ZC3H12C: variants seen among roughly 807,000 people sequenced by gnomAD.
ZC3H12C encodes probable ribonuclease ZC3H12C.
ZC3H12C carries 20 observed loss-of-function variants against 76.3 expected under a neutral mutation model. The ratio of observed to expected loss-of-function variants is 0.26; its 90% CI spans 0.18 to 0.38. ZC3H12C has a LOEUF of 0.38. Ranked by LOEUF, ZC3H12C falls within the 10% of genes least tolerant of loss-of-function variation. ZC3H12C has a pLI of 1.00. For synonymous variants in ZC3H12C, 352 were observed against 399.6 expected (o/e 0.88, Z 1.42); for missense variants, 874 against 1,086.5 (o/e 0.80, Z 2.75).
rs581464 is a variant in ZC3H12C at position 110,151,657 on chromosome 11, T to C, written c.774-1262T>C. Among the ~76,000 whole-genome samples, 28 of 151,970 alleles carry C rather than the reference T, an allele frequency of 1.8e-4. 1 individual carries two copies. The highest frequency in any genetic ancestry group is 6.8e-4 in the African/African-American group (28 of 41,446). Reference sequence around the variant, plus strand: ...AATATCACTTTGTACCTTTTGATGGTGCATTCACCAGGCTATCGGGTCACC... The same window carrying C: ...AATATCACTTTGTACCTTTTGATGGCGCATTCACCAGGCTATCGGGTCACC... On this transcript the variant is annotated intron_variant, in intron 2 of 5. Coordinates refer to ENST00000278590, the MANE Select transcript of ZC3H12C (RefSeq NM_033390.2).
intron 1 of ZC3H12C, among the ~76,000 whole-genome samples, chr11:110,128,415 G>A (rs1195311856): frequency 6.6e-6 from 1 of 152,190 alleles, no homozygotes; most frequent in Non-Finnish European, 1.5e-5. Flanking sequence ...TCCAGTGCTA[G>A]AGATCAGGCT....
rs1468250964 is a variant in ZC3H12C at position 110,169,424 on chromosome 11, ATTTAC to A, written c.*3692_*3696del. The A allele has an allele frequency of 2.7e-5, 4 of 150,730 alleles. No individual in the cohort carries two copies. Among genetic ancestry groups the A allele is most frequent in the African/African-American group, 7.3e-5 (3 of 40,848 alleles). 9.3% of individuals were successfully genotyped at this position (150,730 alleles called of 1,614,324 possible). A position where few individuals can be genotyped will look rare whatever the true frequency, so the allele number is the denominator to read the frequency against. On this transcript the variant is annotated 3_prime_UTR_variant, in exon 6 of 6. Transcript: ENST00000278590. ...TGTTTTCCCTCTGATTTACAATGGT[ATTTAC>A]TTTAAAGTATGTTTGGTTTTCATTA...
At chr11:110,113,981 T>C (rs1861479825) in intron 1 of ZC3H12C, among the ~76,000 whole-genome samples, 1 of 152,176 alleles carries the variant, frequency 6.6e-6, no homozygotes, top group Non-Finnish European at 1.5e-5. Flanking sequence ...CCCATTACCT[T>C]GCTAAAATGT....
chr11:110,116,779 A>G (rs1218987723), intron 1 of ZC3H12C, among the ~76,000 whole-genome samples: 1 of 152,214 alleles, frequency 6.6e-6, no homozygotes, highest in Non-Finnish European at 1.5e-5. Flanking sequence ...TGTTAGTGGT[A>G]TTATCATCTC....
At chr11:110,155,947 G>C (rs604306) in intron 3 of ZC3H12C, among the ~76,000 whole-genome samples, 1 of 151,626 alleles carries the variant, frequency 6.6e-6, no homozygotes, top group African/African-American at 2.4e-5. Context: ...ACAATATTTA[G>C]GCATGTAAAT....
chr11:110,147,128 C>T (rs1009031726), intron 2 of ZC3H12C, among the ~76,000 whole-genome samples: 2 of 152,184 alleles, frequency 1.3e-5, no homozygotes, highest in African/African-American at 2.4e-5. Context: ...CGTGCCTGTT[C>T]CATTAGTCAA....
At chr11:110,146,545 G>A (rs1862174708) in intron 2 of ZC3H12C, among the ~76,000 whole-genome samples, 1 of 152,146 alleles carries the variant, frequency 6.6e-6, no homozygotes, top group Non-Finnish European at 1.5e-5. Flanking sequence ...TAGTTGGGTT[G>A]CATCTCTTGC....
intron 1 of ZC3H12C, among the ~76,000 whole-genome samples, chr11:110,096,922 G>T (rs1409759341): frequency 6.6e-6 from 1 of 152,206 alleles, no homozygotes; most frequent in Non-Finnish European, 1.5e-5. Context: ...TGTAACAGCA[G>T]TGTAGTTCAC....
At chr11:110,114,158 C>T (rs1861483637) in intron 1 of ZC3H12C, among the ~76,000 whole-genome samples, 1 of 152,196 alleles carries the variant, frequency 6.6e-6, no homozygotes, top group Non-Finnish European at 1.5e-5. Flanking sequence ...GTTGTATCAT[C>T]TCTCACGCCT....
intron 2 of ZC3H12C, among the ~76,000 whole-genome samples, chr11:110,144,498 T>C (rs1291048386): frequency 6.6e-6 from 1 of 152,210 alleles, no homozygotes; most frequent in African/African-American, 2.4e-5. Context: ...GGCTATGTTA[T>C]TTTCGGTATC....
At chr11:110,143,908 T>TTA (rs1862114210) in intron 2 of ZC3H12C, among the ~76,000 whole-genome samples, 1 of 152,252 alleles carries the variant, frequency 6.6e-6, no homozygotes, top group Non-Finnish European at 1.5e-5. Context: ...GGTAGGTTAA[T>TTA]CTAATTACCC....
At chr11:110,103,887 G>A (rs1203565683) in intron 1 of ZC3H12C, among the ~76,000 whole-genome samples, 3 of 152,104 alleles carry the variant, frequency 2.0e-5, no homozygotes, top group East Asian at 1.9e-4. Context: ...ACAGGCGTGA[G>A]CCACCGCGCC....
chr11:110,105,319 A>G (rs1332695023), intron 1 of ZC3H12C, among the ~76,000 whole-genome samples: 2 of 152,178 alleles, frequency 1.3e-5, no homozygotes, highest in Non-Finnish European at 2.9e-5. Context: ...ATTTTAAATG[A>G]CTAGAACAGA....
At chr11:110,136,067 G>GA (rs1861953541) in intron 1 of ZC3H12C, 1 of 152,126 alleles carries the variant, frequency 6.6e-6, no homozygotes, top group Admixed American at 6.5e-5. Flanking sequence ...GTCTATCTTA[G>GA]AATATGTGCT....
intron 2 of ZC3H12C, among the ~76,000 whole-genome samples, chr11:110,137,856 C>T (rs1245250627): frequency 1.3e-5 from 2 of 151,984 alleles, no homozygotes; most frequent in African/African-American, 2.4e-5. Context: ...AAAACCAAAG[C>T]TGTAGTTTGA....
intron 4 of ZC3H12C, among the ~76,000 whole-genome samples, chr11:110,160,913 T>G (rs1386568890): frequency 6.6e-6 from 1 of 152,166 alleles, no homozygotes; most frequent in Non-Finnish European, 1.5e-5. Context: ...CTCAGCTCAC[T>G]GCAACCTCCG....
At chr11:110,102,829 A>C (rs938842031) in intron 1 of ZC3H12C, among the ~76,000 whole-genome samples, 4 of 152,218 alleles carry the variant, frequency 2.6e-5, no homozygotes, top group Admixed American at 1.3e-4. Context: ...AGCCATCAAC[A>C]TTGAGGCAAG....
rs563390289 is a variant in ZC3H12C at position 110,113,251 on chromosome 11, T to C, written c.21+19819T>C. 2.0e-4 allele frequency among the ~76,000 whole-genome samples: 31 copies of C among 152,364 alleles called. No individual in the cohort carries two copies. In the South Asian group the frequency reaches 3.7e-3, roughly 18 times the overall value. ...GGAAAAAATTTTCATCTTTTTTTTC[T>C]ACAACCTCTAATTGAAATTTAGCAT... On this transcript the variant is annotated intron_variant, in intron 1 of 5. Coordinates refer to ENST00000278590, the MANE Select transcript of ZC3H12C (RefSeq NM_033390.2).
rs117192762 is a variant in ZC3H12C, at chr11:110,124,665, A to T, written c.22-11998A>T. On this transcript the variant is annotated intron_variant, in intron 1 of 5. Coordinates refer to ENST00000278590, the MANE Select transcript of ZC3H12C (RefSeq NM_033390.2). ...GAGGCTGTAGTGCAAGACAACACTT[A>T]AGGCAAAGAGACATCTGTGCCCTCA... Among the ~76,000 whole-genome samples, 190 of 152,320 alleles carry T rather than the reference A, an allele frequency of 1.2e-3. 1 individual carries two copies. The highest frequency in any genetic ancestry group is 3.4e-3 in the Middle Eastern group (1 of 294).
Sources: allele counts gnomAD v4.1 joint callset (sites outside exome capture counted in the v4.1 genomes callset), GRCh38; gene constraint gnomAD v4.1.1; transcripts MANE v1.5; gene names NCBI Gene and HGNC (gene_info 2026-07-23, HGNC 2026-07-21).